Variants in TBCK observed in about 807,000 individuals in gnomAD.
TBCK encodes the protein TBC domain-containing protein kinase-like protein.
Under a neutral mutation model 113.4 loss-of-function variants are expected in TBCK, and 99 were observed. That is an observed-to-expected ratio of 0.87 (90% confidence interval 0.74 to 1.03). The LOEUF is 1.03. TBCK is among the 50% of genes least tolerant of loss of function. TBCK has a pLI of 0.00. For missense variants in TBCK, 1,045 were observed against 1,061.3 expected, an observed-to-expected ratio of 0.98 and a Z score of 0.21; for synonymous variants, 369 against 370.8, an observed-to-expected ratio of 1.00 and a Z score of 0.05.
At chr4:106,067,413 TA>T (rs1310814013) in intron 25 of TBCK, among the ~76,000 whole-genome samples, 1 of 152,134 alleles carries the variant, frequency 6.6e-6, no homozygotes, top group Non-Finnish European at 1.5e-5. Flanking sequence ...ATTAAGTCCT[TA>T]TCAGGCATAT....
intron 25 of TBCK, among the ~76,000 whole-genome samples, chr4:106,072,995 G>T (rs1472484349): frequency 2.0e-5 from 3 of 152,108 alleles, no homozygotes; most frequent in African/African-American, 7.2e-5. Flanking sequence ...TTAGCCATTC[G>T]TCTAATCCTT....
chr4:106,194,188 C>A (rs1016345907), intron 21 of TBCK, among the ~76,000 whole-genome samples: 8 of 151,930 alleles, frequency 5.3e-5, no homozygotes, highest in African/African-American at 1.9e-4. Context: ...CTTCCTTTTT[C>A]TTATTAACAA....
intron 22 of TBCK, among the ~76,000 whole-genome samples, chr4:106,172,486 T>C (rs188909686): frequency 2.6e-5 from 4 of 152,282 alleles, no homozygotes; most frequent in Admixed American, 2.0e-4. Flanking sequence ...GACTAGTTTT[T>C]ATCTTTCCAT....
chr4:106,235,103 T>C (rs939403142), intron 15 of TBCK, among the ~76,000 whole-genome samples, 166 bp downstream of exon 15: 2 of 152,146 alleles, frequency 1.3e-5, no homozygotes, highest in African/African-American at 4.8e-5. Flanking sequence ...TTCTATTCTA[T>C]TGTTTTCCTA....
intron 25 of TBCK, among the ~76,000 whole-genome samples, chr4:106,072,994 C>T (rs763827127): frequency 1.7e-4 from 26 of 152,290 alleles, no homozygotes; most frequent in Non-Finnish European, 2.9e-4. Flanking sequence ...GTTAGCCATT[C>T]GTCTAATCCT....
At position 106,235,320 on chromosome 4, in the gene TBCK, G is replaced by A. The variant is rs1579342380; in HGVS notation, c.1398C>T (p.Asp466=). The change falls in exon 15 of 26, where the codon GAC becomes GAT. Residue 466 remains aspartate (D), a synonymous_variant. Coordinates refer to ENST00000394708, the MANE Select transcript of TBCK (RefSeq NM_001163435.3). ...TTAAACCTCTCATAAGAGGAGGAAT[G>A]TCAACTCTTGCTTCTTTCCAGATTT... ...KNQIWKEARV[D]IPPLMRGLTW... The A allele has an allele frequency of 6.2e-7, 1 of 1,610,752 alleles. No homozygotes were observed. The highest frequency in any genetic ancestry group is 2.2e-5 in the East Asian group (1 of 44,668).
At chr4:106,304,553 C>T (rs1448262580) in intron 2 of TBCK, among the ~76,000 whole-genome samples, 1 of 152,168 alleles carries the variant, frequency 6.6e-6, no homozygotes, top group African/African-American at 2.4e-5. Context: ...AGATTTACTT[C>T]TTTGCCCTGG....
rs529209790 is a variant in TBCK, at chr4:106,202,502, T to A, written c.1861-7748A>T. On this transcript the variant is annotated intron_variant, in intron 20 of 25. Coordinates refer to ENST00000394708, the MANE Select transcript of TBCK (RefSeq NM_001163435.3). ...CATTATAGATTTTTTGTTGTTTTTT[T>A]ACGTTTTCATTGAACACAGCTAAAG... Among the ~76,000 whole-genome samples, 19 of 152,184 alleles carry A rather than the reference T, an allele frequency of 1.2e-4. No homozygotes were observed. The East Asian group carries it at 3.7e-3, about 29-fold the overall frequency.
Position 106,041,901 on chromosome 4 carries a change from T to C in TBCK, c.*4669A>G, listed in dbSNP as rs1733896965. On this transcript the variant is annotated 3_prime_UTR_variant, in exon 26 of 26. Transcript: ENST00000394708. ...AAAGATATAAATACATGTGACTTTA[T>C]AAAATATGGCTAACTTTTAAAATAG... is the stretch of plus-strand genomic sequence containing the variant. The C allele has an allele frequency of 6.6e-6, 1 of 152,222 alleles. No homozygotes were observed. The highest frequency in any genetic ancestry group is 1.5e-5 in the Non-Finnish European group (1 of 68,048). The allele number at this position is 152,222 out of a possible 1,614,324, so 9.4% of individuals were successfully genotyped here.
At chr4:106,288,827 A>T (rs1164491158) in intron 3 of TBCK, among the ~76,000 whole-genome samples, 1 of 152,240 alleles carries the variant, frequency 6.6e-6, no homozygotes, top group Non-Finnish European at 1.5e-5. Context: ...ACAAGTAGAA[A>T]ATTCCACACA....
chr4:106,148,776 G>C (rs1214920648), intron 23 of TBCK, among the ~76,000 whole-genome samples: 2 of 152,144 alleles, frequency 1.3e-5, no homozygotes, highest in Non-Finnish European at 2.9e-5. Context: ...ATGAGTATTA[G>C]CTTCAACTGA....
chr4:106,144,209 A>G (rs1186380858), intron 23 of TBCK, among the ~76,000 whole-genome samples: 1 of 152,168 alleles, frequency 6.6e-6, no homozygotes, highest in Non-Finnish European at 1.5e-5. Flanking sequence ...TTATGTCCCA[A>G]ATTTGGAACT....
intron 23 of TBCK, among the ~76,000 whole-genome samples, chr4:106,151,928 G>A (rs973972355): frequency 1.3e-5 from 2 of 151,886 alleles, no homozygotes; most frequent in African/African-American, 4.8e-5. Context: ...TTTTATATAT[G>A]TTGCTTTTTA....
intron 23 of TBCK, among the ~76,000 whole-genome samples, chr4:106,121,980 C>A (rs1744452209): frequency 1.3e-5 from 2 of 152,050 alleles, no homozygotes; most frequent in Non-Finnish European, 2.9e-5. Context: ...AAAGCAAGAG[C>A]AAACACATTC....
intron 22 of TBCK, among the ~76,000 whole-genome samples, chr4:106,178,720 T>C (rs1162945985): frequency 6.6e-6 from 1 of 151,966 alleles, no homozygotes; most frequent in African/African-American, 2.4e-5. Flanking sequence ...GTTGCTTGTA[T>C]TTTTGTTGAG....
At chr4:106,096,789 C>T (rs879325456) in intron 24 of TBCK, among the ~76,000 whole-genome samples, 1 of 152,206 alleles carries the variant, frequency 6.6e-6, no homozygotes, top group African/African-American at 2.4e-5. Flanking sequence ...AATGCTCAGA[C>T]TGTGTTAAGC....
chr4:106,191,310 T>C (rs1280393838), intron 22 of TBCK, among the ~76,000 whole-genome samples: 2 of 152,198 alleles, frequency 1.3e-5, no homozygotes, highest in African/African-American at 4.8e-5. Flanking sequence ...TACCGGGGGA[T>C]GACTGAACTT....
chr4:106,151,826 ATTTTG>A (rs1409861429), intron 23 of TBCK, among the ~76,000 whole-genome samples: 1 of 151,800 alleles, frequency 6.6e-6, no homozygotes. Flanking sequence ...ATTCCTAAGT[ATTTTG>A]TTTTATTTGT....
At chr4:106,067,174 T>C (rs1033079006) in intron 25 of TBCK, among the ~76,000 whole-genome samples, 2 of 152,090 alleles carry the variant, frequency 1.3e-5, no homozygotes, top group African/African-American at 4.8e-5. Flanking sequence ...TTGCCAACAC[T>C]TGGGTGTGAA....
Sources: gnomAD v4.1 joint callset for allele counts (sites outside exome capture counted in the v4.1 genomes callset) on GRCh38, gnomAD v4.1.1 for gene constraint, MANE v1.5 for transcripts, NCBI Gene and HGNC (gene_info 2026-07-23, HGNC 2026-07-21) for gene names.